The following NAGK variants were observed in gnomAD, a reference collection of about 807,000 sequenced individuals.
NAGK encodes the protein N-acetyl-D-glucosamine kinase.
NAGK carries 35 observed loss-of-function variants against 42.9 expected under a neutral mutation model. The observed-to-expected ratio is 0.82, with a 90% CI of 0.62 to 1.08. NAGK has a LOEUF of 1.08. NAGK is among the 50% of genes least tolerant of loss of function. NAGK has a pLI of 0.00. For missense variants in NAGK, 446 were observed against 446.0 expected (o/e 1.00, Z 0.00); for synonymous variants, 172 against 176.0 (o/e 0.98, Z 0.18).
At chr2:71,077,675 A>T (rs1558731387) in intron 9 of NAGK, 39 bp downstream of exon 9, 2 of 1,571,304 alleles carry the variant, frequency 1.3e-6, no homozygotes, top group Non-Finnish European at 1.7e-6. Flanking sequence ...AGGGCAGGGG[A>T]CGGGGCTGGA....
Position 71,075,211 on chromosome 2 carries a change from T to G in NAGK, c.580-344T>G, listed in dbSNP as rs1024346174. 8 of 189,334 alleles carry G rather than the reference T, an allele frequency of 4.2e-5. No individual in the cohort carries two copies. The East Asian group carries it at 1.0e-3, about 25-fold the overall frequency. 11.7% of individuals were successfully genotyped at this position (189,334 alleles called of 1,614,324 possible). On this transcript the variant is annotated intron_variant, in intron 6 of 9. Coordinates refer to ENST00000244204, the MANE Select transcript of NAGK (RefSeq NM_017567.6). ...TACTCAGGAGGCTGACGTGGGAGGATTGCTTAAGGCCAGCCTAGGCAACAG... is the reference window on the plus strand; with the variant it reads ...TACTCAGGAGGCTGACGTGGGAGGAGTGCTTAAGGCCAGCCTAGGCAACAG...
At chr2:71,072,882 C>T (rs1425085110) in intron 5 of NAGK, 131 bp downstream of exon 5, 2 of 786,394 alleles carry the variant, frequency 2.5e-6, no homozygotes, top group South Asian at 2.9e-5. Flanking sequence ...CCTGGCCATT[C>T]CATGTGCAGG....
chr2:71,076,587 C>T lies in NAGK; in HGVS notation c.668-17C>T, dbSNP rs369105786. ...TCCTTTCTCACCAGTTTCCTTCTTC[C>T]GTCCTCCCTACCCCAGGTGCTCAGC... On this transcript the variant is annotated splice_polypyrimidine_tract_variant and intron_variant, in intron 7 of 9. Coordinates refer to ENST00000244204, the MANE Select transcript of NAGK (RefSeq NM_017567.6). The T allele has an allele frequency of 2.1e-4, 328 of 1,589,566 alleles. 1 individual carries two copies. The highest frequency in any genetic ancestry group is 1.3e-3 in the South Asian group (121 of 90,260).
chr2:71,069,037 C>A, intron 1 of NAGK: 1 of 1,098,126 alleles, frequency 9.1e-7, no homozygotes. Flanking sequence ...TGACCTCGGA[C>A]AGAGTTTTGC....
chr2:71,072,568 T>C (rs1425574805), intron 4 of NAGK, 73 bp from the exon 5 acceptor site: 10 of 1,304,580 alleles, frequency 7.7e-6, no homozygotes, highest in Admixed American at 5.4e-5. Context: ...TTCTGTCCTG[T>C]CTTTCCACAG....
At chr2:71,071,584 C>A in intron 3 of NAGK, 102 bp from the exon 4 acceptor site, 1 of 1,455,316 alleles carries the variant, frequency 6.9e-7, no homozygotes, top group South Asian at 1.3e-5. Flanking sequence ...CAGGGTATGG[C>A]CAGATGGGGA....
At chr2:71,073,320 T>G in intron 5 of NAGK, 162 bp from the exon 6 acceptor site, 2 of 391,484 alleles carry the variant, frequency 5.1e-6, no homozygotes, top group Non-Finnish European at 5.0e-6. Flanking sequence ...ATAGAGACCC[T>G]CCCACCCCCC....
Position 71,068,656 on chromosome 2 carries a change from C to A in NAGK, c.-28C>A, listed in dbSNP as rs1671878027. On this transcript the variant is annotated 5_prime_UTR_variant, in exon 1 of 10. Coordinates refer to ENST00000244204, the MANE Select transcript of NAGK (RefSeq NM_017567.6). ...GTCAGGCGGGGAGAGACGCAAACGG[C>A]GGGACCAGCAGCGACGGTAGCAGCA... 1 of 1,520,880 alleles carries A rather than the reference C, an allele frequency of 6.6e-7. No homozygotes were observed. The allele number at this position is 1,520,880 out of a possible 1,614,324, so 94.2% of individuals were successfully genotyped here.
chr2:71,075,873 A>C, intron 7 of NAGK: 3 of 558,410 alleles, frequency 5.4e-6, no homozygotes, highest in Non-Finnish European at 9.7e-6. Flanking sequence ...AATAGCTATC[A>C]TGGCTTGCTT....
At chr2:71,075,033 T>C (rs1302185970) in intron 6 of NAGK, 3 of 152,676 alleles carry the variant, frequency 2.0e-5, no homozygotes, top group African/African-American at 7.2e-5. Context: ...AAATAAGTTT[T>C]GGGAGAAACA....
chr2:71,073,226 G>A, intron 5 of NAGK: 1 of 554,810 alleles, frequency 1.8e-6, no homozygotes, highest in Non-Finnish European at 3.2e-6. Context: ...CTTATCCTTG[G>A]GTAGGAGCTG....
rs775878148 is a variant in NAGK, at chr2:71,071,806, A to G, written c.334A>G (p.Ile112Val). Residue 112 changes from isoleucine (I) to valine (V), a missense_variant, in exon 4 of 10, where the codon ATC (isoleucine) becomes GTC (valine). Coordinates refer to ENST00000244204, the MANE Select transcript of NAGK (RefSeq NM_017567.6). ...AATCACCACCGATGCCGCCGGCTCC[A>G]TCGCCACAGCTACACCGGATGGTGA... ...YLITTDAAGS[I>V]ATATPDGGVV... The G allele has an allele frequency of 6.8e-6, 11 of 1,614,032 alleles. No individual in the cohort carries two copies. The highest frequency in any genetic ancestry group is 3.3e-5 in the Admixed American group (2 of 60,002).
chr2:71,076,741 G>A, intron 8 of NAGK, 40 bp downstream of exon 8: 1 of 1,540,170 alleles, frequency 6.5e-7, no homozygotes, highest in Non-Finnish European at 9.0e-7. Context: ...GCTGCTGGGT[G>A]AGGAGTGGTC....
rs753713095 is a variant in NAGK at position 71,078,509 on chromosome 2, G to C, written c.*1G>C. 2.0e-6 allele frequency: 3 copies of C among 1,524,826 alleles called. No individual in the cohort carries two copies. In the African/African-American group the frequency reaches 4.2e-5, roughly 21 times the overall value. The allele number at this position is 1,524,826 out of a possible 1,614,324, so 94.5% of individuals were successfully genotyped here. On this transcript the variant is annotated 3_prime_UTR_variant, in exon 10 of 10. Transcript: ENST00000244204. Reference sequence around the variant, plus strand: ...CTTCTATTCCTACACCTTTTCCTAGGGGGCTGGTCCCGGCTCCACCCCCTC... The same window carrying C: ...CTTCTATTCCTACACCTTTTCCTAGCGGGCTGGTCCCGGCTCCACCCCCTC...
intron 3 of NAGK, chr2:71,071,071 TC>T: frequency 1.9e-6 from 1 of 529,642 alleles, no homozygotes; most frequent in East Asian, 3.4e-5. Context: ...TTGGTTTGAA[TC>T]CCAGCTTTGC....
chr2:71,072,796 TTCCTTCACTCCCTGTCTTTCTC>T, intron 5 of NAGK, 45 bp downstream of exon 5: 1 of 1,518,294 alleles, frequency 6.6e-7, no homozygotes, highest in Non-Finnish European at 9.1e-7. Flanking sequence ...GATCTGCTCC[TTCCTTCACTCCCTGTCTTTCTC>T]TCCTTAGCCT....
upstream of NAGK, chr2:71,068,579 C>T (rs1013038160): frequency 2.0e-6 from 3 of 1,517,788 alleles, no homozygotes; most frequent in African/African-American, 2.9e-5. Context: ...GCTGGCTGCG[C>T]GGGAGGTCAC....
chr2:71,076,938 G>T (rs935517295), intron 8 of NAGK, among the ~76,000 whole-genome samples: 1 of 152,054 alleles, frequency 6.6e-6, no homozygotes, highest in African/African-American at 2.4e-5. Flanking sequence ...TAATGTACGT[G>T]TGTGTGTGTG....
chr2:71,076,606 G>A lies in NAGK; in HGVS notation c.670G>A (p.Ala224Thr). The A allele has an allele frequency of 6.2e-7, 1 of 1,611,630 alleles. No homozygotes were observed. Among genetic ancestry groups the A allele is most frequent in the Non-Finnish European group, 8.5e-7 (1 of 1,177,978 alleles). ...TTCTTCCGTCCTCCCTACCCCAGGT[G>A]CTCAGCAGGGAGACCCCCTTTCCCG... Reference protein sequence around the residue: ...AGFCRKIAEGAQQGDPLSRYI... With the variant: ...AGFCRKIAEGTQQGDPLSRYI... The change falls in exon 8 of 10, where the codon GCT (alanine) becomes ACT (threonine). Residue 224 changes from alanine to threonine, a missense_variant and splice_region_variant. Transcript: ENST00000244204.
Sources: allele counts gnomAD v4.1 joint callset (sites outside exome capture counted in the v4.1 genomes callset), GRCh38; gene constraint gnomAD v4.1.1; transcripts MANE v1.5; gene names NCBI Gene and HGNC (gene_info 2026-07-23, HGNC 2026-07-21).